Variants in VPS8 observed in about 807,000 individuals in gnomAD.
The protein encoded by VPS8 is vacuolar protein sorting-associated protein 8 homolog.
Under a neutral mutation model 216.4 loss-of-function variants are expected in VPS8, and 129 were observed. The observed-to-expected ratio is 0.60, with a 90% CI of 0.52 to 0.69. VPS8 has a LOEUF of 0.69. Among genes scored for constraint, VPS8 ranks in the 30% least tolerant of loss-of-function variants. The pLI is 0.00. For missense variants in VPS8, 1,531 were observed against 1,683.5 expected, an observed-to-expected ratio of 0.91 and a Z score of 1.59; for synonymous variants, 571 against 565.4, an observed-to-expected ratio of 1.01 and a Z score of -0.14.
At chr3:185,049,412 T>C (rs556528690) in intron 47 of VPS8, among the ~76,000 whole-genome samples, 1 of 152,202 alleles carries the variant, frequency 6.6e-6, no homozygotes, top group South Asian at 2.1e-4. Flanking sequence ...AGCACTAGGC[T>C]CACTCCTCAC....
Position 184,910,128 on chromosome 3 carries a change from ATTT to A in VPS8, c.2147-3371_2147-3369del, listed in dbSNP as rs10707371. On this transcript the variant is annotated intron_variant, in intron 25 of 47. Coordinates refer to ENST00000625842, the MANE Select transcript of VPS8 (RefSeq NM_001009921.3). ...TCTCTTTTCTTTGCAAGATTCTCCT[ATTT>A]TTTTTTTTTTTTTTTTTTTGAGACG... 8.0e-5 allele frequency among the ~76,000 whole-genome samples: 7 copies of A among 87,262 alleles called. No individual in the cohort carries two copies. In the South Asian group the frequency reaches 1.6e-3, roughly 20 times the overall value. The allele number at this position is 87,262 out of a possible 152,430, so 57.2% of individuals were successfully genotyped here. A position where few individuals can be genotyped will look rare whatever the true frequency, so the allele number is the denominator to read the frequency against.
intron 25 of VPS8, among the ~76,000 whole-genome samples, chr3:184,902,666 C>G (rs1337330030): frequency 6.6e-6 from 1 of 151,096 alleles, no homozygotes; most frequent in Non-Finnish European, 1.5e-5. Context: ...CCTATCTCTA[C>G]TATAAATACA....
intron 7 of VPS8, 186 bp downstream of exon 7, chr3:184,839,938 T>C: frequency 7.5e-7 from 1 of 1,341,618 alleles, no homozygotes; most frequent in Non-Finnish European, 9.6e-7. Context: ...TTGCTGCTTA[T>C]TGCAAGTTTA....
At chr3:184,966,859 T>C (rs1429806097) in intron 39 of VPS8, 146 bp downstream of exon 39, 2 of 511,728 alleles carry the variant, frequency 3.9e-6, no homozygotes. Context: ...GATCCAAATT[T>C]TAGCTAATTT....
chr3:184,854,173 G>GGTGA lies in VPS8; in HGVS notation c.1035+3_1035+6dup. On this transcript the variant is annotated frameshift_variant and splice_region_variant. Transcript: ENST00000625842. LOFTEE classifies it high-confidence loss of function. ...TATGGATGACTTTTCCCTATGGCCG[G>GGTGA]GTGAGTACGTCCCTCCATCTTATTT... The GGTGA allele has an allele frequency of 1.9e-6, 3 of 1,613,610 alleles. No homozygotes were observed. The highest frequency in any genetic ancestry group is 2.5e-6 in the Non-Finnish European group (3 of 1,179,714).
chr3:184,883,462 G>A (rs1313656510), intron 21 of VPS8, among the ~76,000 whole-genome samples: 1 of 152,042 alleles, frequency 6.6e-6, no homozygotes, highest in African/African-American at 2.4e-5. Flanking sequence ...ATGTCATCTT[G>A]TGACCTCTTC....
intron 15 of VPS8, 142 bp from the exon 16 acceptor site, chr3:184,862,755 T>C: frequency 1.3e-6 from 1 of 782,804 alleles, no homozygotes; most frequent in Non-Finnish European, 2.0e-6. Context: ...GAGTAGTTCT[T>C]GCTTTGATTG....
chr3:184,969,435 T>C, intron 39 of VPS8, among the ~76,000 whole-genome samples: 1 of 114,588 alleles, frequency 8.7e-6, no homozygotes, highest in South Asian at 3.5e-4. Context: ...CCCCTTTTTT[T>C]TTTTTTTTTT....
chr3:184,885,521 G>A (rs1341453132), intron 21 of VPS8, among the ~76,000 whole-genome samples: 1 of 152,172 alleles, frequency 6.6e-6, no homozygotes, highest in African/African-American at 2.4e-5. Flanking sequence ...ACAATAGCAG[G>A]TTTGGAGGAT....
At chr3:184,914,670 A>G (rs895253193) in intron 26 of VPS8, among the ~76,000 whole-genome samples, 4 of 152,212 alleles carry the variant, frequency 2.6e-5, no homozygotes, top group Admixed American at 2.0e-4. Flanking sequence ...GACGCTGGGT[A>G]TGAGGCCTTT....
chr3:184,893,438 T>C, intron 22 of VPS8: 1 of 925,362 alleles, frequency 1.1e-6, no homozygotes, highest in Non-Finnish European at 1.3e-6. Context: ...ACAGTTTTTG[T>C]ATTTTTTAAA....
In VPS8 at chr3:184,999,830, A is replaced by T. The variant is rs535628675; in HGVS notation, c.3971A>T (p.Glu1324Val). ...KVGKLSENSS[E>V]IKKGRITPSQ... is the part of the protein sequence containing the mutation. ...GGAAAACTCAGTGAAAATTCATCTG[A>T]AATTAAAAAGGGAAGGATAACCCCA... is the stretch of plus-strand genomic sequence containing the variant. Residue 1324 changes from glutamate to valine, a missense_variant, in exon 45 of 48, where the codon GAA (glutamate) becomes GTA (valine). Glu to Val is a moderately radical substitution (Grantham distance 121). Coordinates refer to ENST00000625842, the MANE Select transcript of VPS8 (RefSeq NM_001009921.3). 23 of 1,611,834 alleles carry T rather than the reference A, an allele frequency of 1.4e-5. No individual in the cohort carries two copies. In the South Asian group the frequency reaches 2.4e-4, roughly 17 times the overall value.
chr3:184,846,653 A>G (rs920356670), intron 8 of VPS8, among the ~76,000 whole-genome samples: 12 of 152,272 alleles, frequency 7.9e-5, no homozygotes, highest in Non-Finnish European at 1.6e-4. Flanking sequence ...CTGCTTAGAC[A>G]TCGCTCTGTG....
chr3:184,943,263 A>G (rs1213595359), intron 36 of VPS8, among the ~76,000 whole-genome samples: 1 of 152,268 alleles, frequency 6.6e-6, no homozygotes, highest in East Asian at 1.9e-4. Context: ...TATGAAAACA[A>G]TGAAGCATAT....
At chr3:184,882,607 G>T (rs1025966762) in intron 21 of VPS8, among the ~76,000 whole-genome samples, 12 of 151,978 alleles carry the variant, frequency 7.9e-5, no homozygotes, top group African/African-American at 2.4e-5. Flanking sequence ...CTCCTTTTCT[G>T]TTTTGTGGAA....
At chr3:184,892,423 G>A (rs1271369891) in intron 22 of VPS8, among the ~76,000 whole-genome samples, 6 of 152,040 alleles carry the variant, frequency 3.9e-5, no homozygotes. Flanking sequence ...CCCCAGGTTG[G>A]CCAGGCTGGT....
chr3:184,924,918 C>A lies in VPS8; in HGVS notation c.2511C>A (p.Phe837Leu). The change falls in exon 30 of 48, where the codon TTC becomes TTA. Residue 837 changes from phenylalanine (F) to leucine (L), a missense_variant. Physicochemically the swap from Phe to Leu is conservative, Grantham distance 22 (BLOSUM62 0). Transcript: ENST00000625842. ...TPSQVGCLFTFLARQLAKPDN... is the reference protein window; with the variant it reads ...TPSQVGCLFTLLARQLAKPDN... ...CACAAGTAGGATGTCTCTTTACCTT[C>A]CTTGCTCGGCAGCTTGCAAAGCCTG... 6.2e-7 allele frequency: 1 copy of A among 1,613,542 alleles called. No homozygotes were observed. Among genetic ancestry groups the A allele is most frequent in the Non-Finnish European group, 8.5e-7 (1 of 1,179,794 alleles).
intron 46 of VPS8, among the ~76,000 whole-genome samples, chr3:185,031,580 A>G (rs1206596794): frequency 1.3e-5 from 2 of 152,218 alleles, no homozygotes; most frequent in African/African-American, 2.4e-5. Context: ...CTGGAGGGCA[A>G]TGATCTGGAG....
intron 21 of VPS8, among the ~76,000 whole-genome samples, chr3:184,878,285 A>T (rs917717070): frequency 6.6e-6 from 1 of 151,646 alleles, no homozygotes; most frequent in Non-Finnish European, 1.5e-5. Flanking sequence ...TAATTTTTGT[A>T]CTTTTAGTGG....
Sources: allele counts gnomAD v4.1 joint callset (sites outside exome capture counted in the v4.1 genomes callset), GRCh38; gene constraint gnomAD v4.1.1; transcripts MANE v1.5; gene names NCBI Gene and HGNC (gene_info 2026-07-23, HGNC 2026-07-21).